The following SUSD1 variants were observed in gnomAD, a reference collection of about 807,000 sequenced individuals.
The protein encoded by SUSD1 is sushi domain-containing protein 1.
Under a neutral mutation model 86.9 loss-of-function variants are expected in SUSD1, and 65 were observed. That is an observed-to-expected ratio of 0.75 (90% CI 0.61 to 0.92). SUSD1 has a LOEUF of 0.92. SUSD1 is among the 40% of genes least tolerant of loss of function. The pLI is 0.00. For synonymous variants in SUSD1, 346 were observed against 350.0 expected (o/e 0.99, Z 0.13); for missense variants, 850 against 929.7 (o/e 0.91, Z 1.11).
At chr9:112,062,857 C>T in intron 13 of SUSD1, 80 bp downstream of exon 13, 2 of 941,444 alleles carry the variant, frequency 2.1e-6, no homozygotes, top group South Asian at 2.8e-5. Context: ...ACACAGAAGT[C>T]TTCTCCTCAC....
intron 5 of SUSD1, among the ~76,000 whole-genome samples, chr9:112,132,563 G>A (rs1832077737): frequency 6.6e-6 from 1 of 152,146 alleles, no homozygotes; most frequent in Non-Finnish European, 1.5e-5. Context: ...AATGTTGTAA[G>A]GGCCTAAACA....
intron 2 of SUSD1, among the ~76,000 whole-genome samples, chr9:112,154,507 T>C (rs953860494): frequency 2.0e-5 from 3 of 152,044 alleles, no homozygotes; most frequent in Admixed American, 2.0e-4. Context: ...AGTGAGACCC[T>C]GTCTGAAAGA....
intron 6 of SUSD1, among the ~76,000 whole-genome samples, chr9:112,114,642 C>G (rs539189463): frequency 1.3e-5 from 2 of 152,290 alleles, no homozygotes; most frequent in African/African-American, 4.8e-5. Context: ...AACTCCTCAG[C>G]CTCTCTCAGC....
At position 112,078,638 on chromosome 9, in the gene SUSD1, C is replaced by T. The variant is rs1829626807; in HGVS notation, c.1653G>A (p.Glu551=). 1 of 1,614,052 alleles carries T rather than the reference C, an allele frequency of 6.2e-7. No homozygotes were observed. The highest frequency in any genetic ancestry group is 1.3e-5 in the African/African-American group (1 of 75,024). The change falls in exon 12 of 17, where the codon GAG becomes GAA. Residue 551 remains glutamate (E), a synonymous_variant. Transcript: ENST00000374270. The part of the protein sequence containing the change: ...FNISSSSRDP[E]VCLDLRPGTN... ...TACCCGGACGTAGGTCCAAGCACAC[C>T]TCGGGATCTCGGCTGCTGCTACTGA...
chr9:112,047,926 A>G (rs555582662), intron 15 of SUSD1, among the ~76,000 whole-genome samples: 4 of 152,276 alleles, frequency 2.6e-5, no homozygotes, highest in South Asian at 4.1e-4. Context: ...TAAGTTACCC[A>G]GCCTCCAGTA....
rs201026837 is a variant in SUSD1, at chr9:112,098,455, G to A, written c.1474+15C>T. ...TTTGTCCTGAGGCACAAAAAAGAAA[G>A]ACGTCTACACCCACCTGCTGGGGGA... On this transcript the variant is annotated intron_variant, in intron 10 of 16. Transcript: ENST00000374270. The A allele has an allele frequency of 1.7e-4, 274 of 1,609,222 alleles. No individual in the cohort carries two copies. The highest frequency in any genetic ancestry group is 2.1e-4 in the South Asian group (19 of 90,764).
At chr9:112,138,257 G>GTATATACACATATATATATATA (rs1564328952) in intron 5 of SUSD1, among the ~76,000 whole-genome samples, 6 of 25,632 alleles carry the variant, frequency 2.3e-4, no homozygotes, top group African/African-American at 9.5e-4. Flanking sequence ...ATATATATAT[G>GTATATACACATATATATATATA]TGTATATACA....
intron 6 of SUSD1, among the ~76,000 whole-genome samples, chr9:112,122,572 G>A (rs1158460253): frequency 6.6e-6 from 1 of 152,146 alleles, no homozygotes; most frequent in Non-Finnish European, 1.5e-5. Flanking sequence ...GAGATTACAG[G>A]TATGAGCCAT....
intron 14 of SUSD1, among the ~76,000 whole-genome samples, chr9:112,055,944 C>T (rs1483791127): frequency 1.3e-5 from 2 of 152,016 alleles, no homozygotes; most frequent in Non-Finnish European, 2.9e-5. Flanking sequence ...ATATGAGGTA[C>T]CTAGAGTAGT....
intron 1 of SUSD1, among the ~76,000 whole-genome samples, chr9:112,172,110 T>C (rs1490698789): frequency 6.6e-6 from 1 of 151,882 alleles, no homozygotes; most frequent in African/African-American, 2.4e-5. Context: ...GTAGGAGGAT[T>C]TCTTGAACCC....
At position 112,111,676 on chromosome 9, in the gene SUSD1, G is replaced by C. The variant is rs754714952; in HGVS notation, c.1149C>G (p.Ala383=). 3 of 1,613,808 alleles carry C rather than the reference G, an allele frequency of 1.9e-6. No homozygotes were observed. The highest frequency in any genetic ancestry group is 2.5e-6 in the Non-Finnish European group (3 of 1,179,970). The change falls in exon 8 of 17, where the codon GCC becomes GCG. Residue 383 remains alanine (A), a synonymous_variant. Coordinates refer to ENST00000374270, the MANE Select transcript of SUSD1 (RefSeq NM_022486.5). ...TACCAGCTGTCTGGAAACCGATGAC[G>C]GCTGGCATCGAGCGCCTGGGAGGTG... is the stretch of plus-strand genomic sequence containing the variant. ...STAPPRRSMP[A]VIGFQTAEVD... is the part of the protein sequence containing the mutation.
chr9:112,121,311 T>C (rs1395962100), intron 6 of SUSD1, among the ~76,000 whole-genome samples: 3 of 152,204 alleles, frequency 2.0e-5, no homozygotes, highest in African/African-American at 4.8e-5. Flanking sequence ...GCATGGCACA[T>C]ACAGGGCCTC....
chr9:112,069,699 C>T (rs1353708227), intron 12 of SUSD1, among the ~76,000 whole-genome samples: 1 of 149,640 alleles, frequency 6.7e-6, no homozygotes, highest in East Asian at 2.0e-4. Flanking sequence ...CCGCCCCGCC[C>T]CCACCAGCTC....
intron 2 of SUSD1, among the ~76,000 whole-genome samples, chr9:112,152,848 C>T (rs146358641): frequency 1.8e-3 from 271 of 146,996 alleles, no homozygotes; most frequent in African/African-American, 6.2e-3. Context: ...TCAACCTCCT[C>T]GGCTCAAGGG....
At chr9:112,079,092 G>A (rs968348185) in intron 11 of SUSD1, among the ~76,000 whole-genome samples, 7 of 152,008 alleles carry the variant, frequency 4.6e-5, no homozygotes, top group Admixed American at 6.6e-5. Flanking sequence ...GATCACAGGC[G>A]TGAGCCACCG....
At chr9:112,048,966 G>T (rs981747311) in intron 15 of SUSD1, among the ~76,000 whole-genome samples, 2 of 152,196 alleles carry the variant, frequency 1.3e-5, no homozygotes, top group South Asian at 2.1e-4. Flanking sequence ...TCAAATAGAG[G>T]ACTTGGAAGC....
In SUSD1 at chr9:112,157,518, C is replaced by T. The variant is rs1208219722; in HGVS notation, c.199G>A (p.Gly67Arg). Residue 67 changes from glycine to arginine, a missense_variant, in exon 2 of 17, where the codon GGG (glycine) becomes AGG (arginine). Transcript: ENST00000374270. Reference protein sequence around the residue: ...CICNYGFVGNGRTQCVDKNEC... With the variant: ...CICNYGFVGNRRTQCVDKNEC... ...AACTTACCAACACACTGAGTCCTCC[C>T]GTTCCCTACAAATCCATAGTTGCAA... The T allele has an allele frequency of 1.1e-5, 17 of 1,613,724 alleles. No homozygotes were observed. Among genetic ancestry groups the T allele is most frequent in the Admixed American group, 1.7e-5 (1 of 59,986 alleles).
intron 2 of SUSD1, among the ~76,000 whole-genome samples, chr9:112,150,128 C>T (rs867318815): frequency 6.6e-6 from 1 of 152,230 alleles, no homozygotes; most frequent in African/African-American, 2.4e-5. Context: ...GTTGCAACAA[C>T]TCACCTGTGC....
At chr9:112,089,700 T>C (rs1240720848) in intron 10 of SUSD1, among the ~76,000 whole-genome samples, 1 of 151,434 alleles carries the variant, frequency 6.6e-6, no homozygotes, top group Non-Finnish European at 1.5e-5. Context: ...TAGTCCCATC[T>C]ACTCGGGAGG....
Sources: gnomAD v4.1 joint callset for allele counts (sites outside exome capture counted in the v4.1 genomes callset) on GRCh38, gnomAD v4.1.1 for gene constraint, MANE v1.5 for transcripts, NCBI Gene and HGNC (gene_info 2026-07-23, HGNC 2026-07-21) for gene names.